Variants in WDR33 observed in about 807,000 individuals in gnomAD.
The protein encoded by WDR33 is pre-mRNA 3' end processing protein WDR33.
A neutral mutation model predicts 164.9 loss-of-function variants in WDR33; 47 were observed. The ratio of observed to expected loss-of-function variants is 0.29; its 90% CI spans 0.23 to 0.36. The LOEUF is 0.36. Among genes scored for constraint, WDR33 ranks in the 10% least tolerant of loss-of-function variants. The pLI, the probability that WDR33 is intolerant of heterozygous loss-of-function variation, is 1.00. For missense variants in WDR33, 1,137 were observed against 1,754.1 expected, an observed-to-expected ratio of 0.65 and a Z score of 6.28; for synonymous variants, 505 against 589.0, an observed-to-expected ratio of 0.86 and a Z score of 2.06.
chr2:127,730,587 A>T (rs1686676564), intron 7 of WDR33, among the ~76,000 whole-genome samples: 1 of 152,218 alleles, frequency 6.6e-6, no homozygotes, highest in Non-Finnish European at 1.5e-5. Flanking sequence ...AAACCATTAA[A>T]ATGAAGATTT....
chr2:127,747,220 T>C (rs1461422391), intron 7 of WDR33, among the ~76,000 whole-genome samples: 1 of 152,228 alleles, frequency 6.6e-6, no homozygotes, highest in East Asian at 1.9e-4. Flanking sequence ...TCCTGAAATC[T>C]GTGGTAACTC....
intron 1 of WDR33, among the ~76,000 whole-genome samples, chr2:127,781,627 T>C (rs994821911): frequency 1.3e-5 from 2 of 152,158 alleles, no homozygotes; most frequent in Non-Finnish European, 2.9e-5. Context: ...TAAAAATGCA[T>C]GTGAATCTAC....
chr2:127,760,792 CA>C (rs1165350247), intron 7 of WDR33, among the ~76,000 whole-genome samples: 3 of 152,040 alleles, frequency 2.0e-5, no homozygotes, highest in African/African-American at 7.2e-5. Flanking sequence ...TAAAAAGAAT[CA>C]AAAGATATTA....
chr2:127,764,586 A>C lies in WDR33; in HGVS notation c.626+242T>G. The C allele has an allele frequency of 6.4e-7, 1 of 1,551,836 alleles. No individual in the cohort carries two copies. The highest frequency in any genetic ancestry group is 1.2e-5 in the South Asian group (1 of 83,882). ...ATAAATGAAAAGAGAAAACCAGTGC[A>C]AAATGCGGCAGACAGTACATCTCTA... is the stretch of plus-strand genomic sequence containing the variant. On this transcript the variant is annotated intron_variant, in intron 6 of 21. Coordinates refer to ENST00000322313, the MANE Select transcript of WDR33 (RefSeq NM_018383.5). The surrounding 1 kb of genome is among the most constrained non-coding windows in gnomAD (Gnocchi z 6.2).
Position 127,768,892 on chromosome 2 carries a change from G to C in WDR33, c.273+41C>G, listed in dbSNP as rs73955215. 3.2e-4 allele frequency: 474 copies of C among 1,472,262 alleles called. 5 individuals carry two copies. In the African/African-American group the frequency reaches 5.9e-3, roughly 18 times the overall value. The allele number at this position is 1,472,262 out of a possible 1,614,324, so 91.2% of individuals were successfully genotyped here. Reference sequence around the variant, plus strand: ...AGTGAAGGCTAAAATATTCAAGCAAGGAAGTGTTTATTAAGCTAGTATGAC... The same window carrying C: ...AGTGAAGGCTAAAATATTCAAGCAACGAAGTGTTTATTAAGCTAGTATGAC... On this transcript the variant is annotated intron_variant, in intron 3 of 21. Transcript: ENST00000322313.
chr2:127,720,266 G>A lies in WDR33; in HGVS notation c.1759C>T (p.Pro587Ser). ...GACATTGGACCTTGTCCTGGAAAAG[G>A]CTGGGGTCCGAGGAGAGGGGTGCCA... ...SSGTPLLGPQPFPGQGPMSQI... is the reference protein window; with the variant it reads ...SSGTPLLGPQSFPGQGPMSQI... The change falls in exon 16 of 22, where the codon CCT (proline) becomes TCT (serine). Residue 587 changes from proline (P) to serine (S), a missense_variant. This residue lies in a region of WDR33 where 867 missense variants were observed against 1,073.0 expected (regional missense o/e 0.81). Coordinates refer to ENST00000322313, the MANE Select transcript of WDR33 (RefSeq NM_018383.5). The surrounding 1 kb of genome is among the most constrained non-coding windows in gnomAD (Gnocchi z 5.9). The A allele has an allele frequency of 6.4e-7, 1 of 1,554,636 alleles. No individual in the cohort carries two copies. The highest frequency in any genetic ancestry group is 2.3e-5 in the East Asian group (1 of 44,244).
At chr2:127,769,133 T>C in intron 2 of WDR33, 132 bp from the exon 3 acceptor site, 2 of 470,616 alleles carry the variant, frequency 4.2e-6, no homozygotes, top group East Asian at 6.2e-5. Flanking sequence ...TTAAAAAATA[T>C]TATTTTCTAA....
intron 4 of WDR33, among the ~76,000 whole-genome samples, chr2:127,766,700 C>T (rs1371359870): frequency 1.3e-5 from 2 of 151,866 alleles, no homozygotes; most frequent in Non-Finnish European, 2.9e-5. Context: ...ACATCATACC[C>T]CTTTAACCAA....
chr2:127,703,043 TTGC>T lies in WDR33; in HGVS notation c.*3277_*3279del, dbSNP rs2105365240. On this transcript the variant is annotated 3_prime_UTR_variant, in exon 22 of 22. Transcript: ENST00000322313. ...GATCTTAAGATTTTTTTATATCTAA[TTGC>T]TGCTGCCTTCATTTTAGGTTCAGCA... 1 of 167,226 alleles carries T rather than the reference TTGC, an allele frequency of 6.0e-6. No homozygotes were observed. Among genetic ancestry groups the T allele is most frequent in the East Asian group, 1.9e-4 (1 of 5,190 alleles). The allele number at this position is 167,226 out of a possible 1,614,324, so 10.4% of individuals were successfully genotyped here. A position where few individuals can be genotyped will look rare whatever the true frequency, so the allele number is the denominator to read the frequency against.
intron 7 of WDR33, among the ~76,000 whole-genome samples, chr2:127,732,349 A>G (rs1255741171): frequency 2.6e-5 from 4 of 151,294 alleles, no homozygotes; most frequent in African/African-American, 9.7e-5. Flanking sequence ...CCCAGGCTAG[A>G]GTGGAGTGGG....
At chr2:127,801,492 AAAAC>A (rs774475467) in intron 1 of WDR33, among the ~76,000 whole-genome samples, 37 of 146,374 alleles carry the variant, frequency 2.5e-4, no homozygotes, top group African/African-American at 7.2e-4. Flanking sequence ...CTGTCTCTAA[AAAAC>A]AAACAAACAA....
intron 7 of WDR33, among the ~76,000 whole-genome samples, chr2:127,747,510 C>T (rs929146231): frequency 6.6e-6 from 1 of 151,898 alleles, no homozygotes; most frequent in Non-Finnish European, 1.5e-5. Flanking sequence ...CCCATGAGCA[C>T]TCAACGTTAG....
rs1387393592 is a variant in WDR33, at chr2:127,717,875, G to C, written c.2761-612C>G. ...TAAATATTTCAGTTATAACACAGTAGCTAAAGTCCATTATTTTTTTAATCC... is the reference window on the plus strand; with the variant it reads ...TAAATATTTCAGTTATAACACAGTACCTAAAGTCCATTATTTTTTTAATCC... On this transcript the variant is annotated intron_variant, in intron 16 of 21. Coordinates refer to ENST00000322313, the MANE Select transcript of WDR33 (RefSeq NM_018383.5). This position sits in a 1 kb window ranked among gnomAD's most constrained non-coding sequence, Gnocchi z 5.6. Among the ~76,000 whole-genome samples the C allele has an allele frequency of 6.6e-6, 1 of 152,136 alleles. No individual in the cohort carries two copies. Among genetic ancestry groups the C allele is most frequent in the African/African-American group, 2.4e-5 (1 of 41,426 alleles).
At chr2:127,780,181 G>C (rs1296000692) in intron 1 of WDR33, among the ~76,000 whole-genome samples, 1 of 152,054 alleles carries the variant, frequency 6.6e-6, no homozygotes, top group Admixed American at 6.5e-5. Flanking sequence ...CACCGTGTTA[G>C]CCAGGATGGT....
chr2:127,732,448 G>A (rs1686736007), intron 7 of WDR33, among the ~76,000 whole-genome samples: 2 of 151,854 alleles, frequency 1.3e-5, no homozygotes, highest in South Asian at 2.1e-4. Context: ...CAGCCTCCCC[G>A]GTAGCTGGGA....
At chr2:127,711,780 A>ATATATTTTT in intron 18 of WDR33, among the ~76,000 whole-genome samples, 3 of 88,308 alleles carry the variant, frequency 3.4e-5, no homozygotes, top group African/African-American at 1.3e-4. Context: ...ATATATATAT[A>ATATATTTTT]TTTTTTTTTT....
Position 127,721,788 on chromosome 2 carries a change from C to T in WDR33, c.1671+48G>A, listed in dbSNP as rs749207910. 2.6e-6 allele frequency: 4 copies of T among 1,552,990 alleles called. No individual in the cohort carries two copies. The highest frequency in any genetic ancestry group is 1.7e-4 in the Middle Eastern group (1 of 5,784). ...GAGCCTATCAATAAAAATGTCACCA[C>T]TACCCTCTTAGATCATCTTGAATTC... is the stretch of plus-strand genomic sequence containing the variant. On this transcript the variant is annotated intron_variant, in intron 15 of 21. Transcript: ENST00000322313. The surrounding 1 kb of genome is among the most constrained non-coding windows in gnomAD (Gnocchi z 4.9).
At chr2:127,768,901 T>C (rs371568381) in intron 3 of WDR33, 32 bp downstream of exon 3, 9 of 1,544,752 alleles carry the variant, frequency 5.8e-6, no homozygotes, top group Non-Finnish European at 7.1e-6. Flanking sequence ...AGGAAGTGTT[T>C]ATTAAGCTAG....
intron 1 of WDR33, among the ~76,000 whole-genome samples, chr2:127,802,888 G>A (rs1237587793): frequency 6.6e-6 from 1 of 151,982 alleles, no homozygotes; most frequent in Non-Finnish European, 1.5e-5. Flanking sequence ...GGCTGAGGTG[G>A]GAGGATCACC....
Sources: allele counts gnomAD v4.1 joint callset (sites outside exome capture counted in the v4.1 genomes callset), GRCh38; gene constraint gnomAD v4.1.1; regional missense constraint gnomAD v4.1.1; non-coding constraint Gnocchi (gnomAD v3.1); transcripts MANE v1.5; gene names NCBI Gene and HGNC (gene_info 2026-07-23, HGNC 2026-07-21).